The following OSBPL6 variants were observed in gnomAD, a reference collection of about 807,000 sequenced individuals.
OSBPL6 encodes oxysterol binding protein like 6.
In OSBPL6, 49 loss-of-function variants were observed where a neutral mutation model predicts 125.8. The observed-to-expected ratio is 0.39, with a 90% CI of 0.31 to 0.49. The LOEUF (loss-of-function observed/expected upper bound fraction) is 0.49, where lower values mean the gene tolerates loss of function less well. Ranked by LOEUF, OSBPL6 falls within the 20% of genes least tolerant of loss-of-function variation. OSBPL6 has a pLI of 0.88. For synonymous variants in OSBPL6, 394 were observed against 391.8 expected, an observed-to-expected ratio of 1.01 and a Z score of -0.07; for missense variants, 986 against 1,135.4, an observed-to-expected ratio of 0.87 and a Z score of 1.89.
chr2:178,291,531 C>T (rs1032688234), intron 2 of OSBPL6, among the ~76,000 whole-genome samples: 6 of 152,144 alleles, frequency 3.9e-5, no homozygotes, highest in South Asian at 4.1e-4. Context: ...TGGATACTTA[C>T]GGTACTTGTT....
intron 1 of OSBPL6, among the ~76,000 whole-genome samples, chr2:178,252,694 G>T (rs1485357181): frequency 6.6e-6 from 1 of 152,148 alleles, no homozygotes; most frequent in Non-Finnish European, 1.5e-5. Context: ...ACCAAATTTA[G>T]ATAGGCAGAT....
chr2:178,388,931 GA>G, intron 20 of OSBPL6, 77 bp from the exon 21 acceptor site: 1 of 1,468,686 alleles, frequency 6.8e-7, no homozygotes, highest in Non-Finnish European at 9.2e-7. Context: ...TTTGGCCAAA[GA>G]ATATTCTCAT....
intron 3 of OSBPL6, among the ~76,000 whole-genome samples, chr2:178,307,837 A>T (rs1358363359): frequency 1.3e-5 from 2 of 152,108 alleles, no homozygotes; most frequent in Non-Finnish European, 2.9e-5. Context: ...GTAAAGACGG[A>T]TGACTCCTGT....
chr2:178,260,383 G>GTA lies in OSBPL6; in HGVS notation c.-350-24542_-350-24541dup, dbSNP rs1559173077. ...TATATGTATATGTATATGTATATGT[G>GTA]TATGTGTATGTGTATGTATATGTAT... On this transcript the variant is annotated intron_variant, in intron 1 of 24. Transcript: ENST00000190611. 1.2e-4 allele frequency among the ~76,000 whole-genome samples: 12 copies of GTA among 98,238 alleles called. No homozygotes were observed. In the South Asian group the frequency reaches 2.4e-3, roughly 20 times the overall value. 64.4% of individuals were successfully genotyped at this position (98,238 alleles called of 152,430 possible).
intron 5 of OSBPL6, 65 bp downstream of exon 5, chr2:178,328,443 C>G: frequency 6.4e-7 from 1 of 1,570,806 alleles, no homozygotes; most frequent in South Asian, 1.2e-5. Flanking sequence ...TATTTGCTAT[C>G]ATGGGGTGGG....
chr2:178,381,046 T>C (rs1575025424), intron 15 of OSBPL6, among the ~76,000 whole-genome samples: 1 of 152,346 alleles, frequency 6.6e-6, no homozygotes, highest in South Asian at 2.1e-4. Flanking sequence ...ACTTGTTTTC[T>C]AATTTTTTAC....
At position 178,382,939 on chromosome 2, in the gene OSBPL6, A is replaced by G. The variant is rs1694614648; in HGVS notation, c.1622-85A>G. On this transcript the variant is annotated intron_variant, in intron 16 of 24. Coordinates refer to ENST00000190611, the MANE Select transcript of OSBPL6 (RefSeq NM_032523.4). ...AAGACTCATGAAAGGTCTCAAAATC[A>G]GATTTATTTGAAAGTTATTTCCCTT... 4 of 1,536,954 alleles carry G rather than the reference A, an allele frequency of 2.6e-6. 1 individual carries two copies. In the South Asian group the frequency reaches 3.9e-5, roughly 15 times the overall value.
intron 3 of OSBPL6, among the ~76,000 whole-genome samples, chr2:178,311,730 C>T (rs1472538032): frequency 2.0e-5 from 3 of 152,096 alleles, no homozygotes. Context: ...TTTGGAGTTC[C>T]AAGTCCCACA....
chr2:178,232,241 CTTTAAA>C (rs1384254753), intron 1 of OSBPL6, among the ~76,000 whole-genome samples: 1 of 152,056 alleles, frequency 6.6e-6, no homozygotes, highest in East Asian at 1.9e-4. Flanking sequence ...TATATTTTAA[CTTTAAA>C]TTTAATATAT....
chr2:178,250,322 T>C (rs2091648166), intron 1 of OSBPL6, among the ~76,000 whole-genome samples: 1 of 152,236 alleles, frequency 6.6e-6, no homozygotes, highest in African/African-American at 2.4e-5. Context: ...TGATTCTATC[T>C]TTCAAATATA....
At chr2:178,250,799 T>C (rs1276140296) in intron 1 of OSBPL6, among the ~76,000 whole-genome samples, 1 of 152,164 alleles carries the variant, frequency 6.6e-6, no homozygotes, top group African/African-American at 2.4e-5. Flanking sequence ...CTCTGTACCT[T>C]CATGGTGCTG....
intron 2 of OSBPL6, among the ~76,000 whole-genome samples, chr2:178,285,627 C>A (rs955497911): frequency 6.6e-6 from 1 of 152,108 alleles, no homozygotes; most frequent in Admixed American, 6.5e-5. Context: ...TTGTGGTATC[C>A]TTGTCATCTT....
At chr2:178,211,020 G>A (rs760585840) in intron 1 of OSBPL6, among the ~76,000 whole-genome samples, 32 of 152,100 alleles carry the variant, frequency 2.1e-4, no homozygotes, top group Non-Finnish European at 3.7e-4. Context: ...AGTGGTTCAC[G>A]TCTGTAATTC....
chr2:178,349,702 G>A (rs1057127253), intron 12 of OSBPL6, among the ~76,000 whole-genome samples: 9 of 152,096 alleles, frequency 5.9e-5, no homozygotes, highest in African/African-American at 1.2e-4. Context: ...CATTTAATAC[G>A]TATTTATTGG....
intron 2 of OSBPL6, among the ~76,000 whole-genome samples, chr2:178,298,598 T>C (rs981465311): frequency 3.9e-5 from 6 of 152,154 alleles, no homozygotes; most frequent in African/African-American, 1.4e-4. Context: ...TAATGTTTTG[T>C]ATTTTTATTA....
chr2:178,262,815 TAGG>T (rs1364906481), intron 1 of OSBPL6, among the ~76,000 whole-genome samples: 8 of 152,182 alleles, frequency 5.3e-5, no homozygotes, highest in Non-Finnish European at 1.0e-4. Flanking sequence ...AATGAAAAAT[TAGG>T]AGACATTAAT....
At chr2:178,344,471 C>A in intron 11 of OSBPL6, 1 of 1,008,576 alleles carries the variant, frequency 9.9e-7, no homozygotes, top group South Asian at 1.5e-5. Flanking sequence ...TCACCTGTAG[C>A]CCAATCATGG....
chr2:178,256,842 G>A (rs1403947066), intron 1 of OSBPL6, among the ~76,000 whole-genome samples: 9 of 152,102 alleles, frequency 5.9e-5, no homozygotes, highest in Admixed American at 4.6e-4. Context: ...CAGCACACCA[G>A]GCCAGCCTAG....
chr2:178,359,064 T>C (rs930861565), intron 12 of OSBPL6, among the ~76,000 whole-genome samples: 4 of 152,142 alleles, frequency 2.6e-5, no homozygotes, highest in African/African-American at 9.7e-5. Flanking sequence ...TAGTCCTAGC[T>C]ACTCGAGAGG....
Sources: gnomAD v4.1 joint callset for allele counts (sites outside exome capture counted in the v4.1 genomes callset) on GRCh38, gnomAD v4.1.1 for gene constraint, MANE v1.5 for transcripts, NCBI Gene and HGNC (gene_info 2026-07-23, HGNC 2026-07-21) for gene names.